Variants in BRD4 observed in about 807,000 individuals in gnomAD.
BRD4 encodes the protein bromodomain-containing protein 4.
BRD4 carries 16 observed loss-of-function variants against 142.1 expected under a neutral mutation model. That is an observed-to-expected ratio of 0.11 (90% CI 0.08 to 0.17). The LOEUF (loss-of-function observed/expected upper bound fraction) is 0.17, where lower values mean the gene tolerates loss of function less well. Ranked by LOEUF, BRD4 falls within the 10% of genes least tolerant of loss-of-function variation. BRD4 has a pLI of 1.00. For synonymous variants in BRD4, 833 were observed against 707.5 expected (o/e 1.18, Z -2.82); for missense variants, 1,424 against 1,810.9 (o/e 0.79, Z 3.88).
intron 1 of BRD4, among the ~76,000 whole-genome samples, chr19:15,296,937 A>C (rs2145679671): frequency 6.6e-6 from 1 of 152,136 alleles, no homozygotes; most frequent in South Asian, 2.1e-4. Context: ...CCCCCCACCA[A>C]CAGCCACCAC....
At position 15,312,860 on chromosome 19, in the gene BRD4, C is replaced by T. The variant is rs542736370; in HGVS notation, c.-35+19430G>A. 1.4e-4 allele frequency among the ~76,000 whole-genome samples: 22 copies of T among 151,982 alleles called. No homozygotes were observed. In the East Asian group the frequency reaches 3.7e-3, roughly 26 times the overall value. ...TGAGGCAAGAGAATTGCTTAGAAGC[C>T]GGGAGGCAGAAGTTGCAGTGAGCGG... On this transcript the variant is annotated intron_variant, in intron 1 of 19. Coordinates refer to ENST00000679869, the MANE Select transcript of BRD4 (RefSeq NM_001379291.1).
At position 15,255,449 on chromosome 19, in the gene BRD4, C is replaced by T. The variant is rs1463941396; in HGVS notation, c.1895G>A (p.Arg632His). The T allele has an allele frequency of 1.9e-6, 3 of 1,614,146 alleles. No individual in the cohort carries two copies. Among genetic ancestry groups the T allele is most frequent in the Non-Finnish European group, 2.5e-6 (3 of 1,180,038 alleles). Reference sequence around the variant, plus strand: ...CCGTGACTGGATGATGTGCACCACGCGGCCCAGCTTCTCGCCGGGGAGCTT... The same window carrying T: ...CCGTGACTGGATGATGTGCACCACGTGGCCCAGCTTCTCGCCGGGGAGCTT... ...INKLPGEKLG[R>H]VVHIIQSREP... The change falls in exon 10 of 20, where the codon CGC becomes CAC. Residue 632 changes from arginine (R) to histidine (H), a missense_variant. Transcript: ENST00000679869.
At chr19:15,263,953 C>G (rs146315617) in intron 6 of BRD4, among the ~76,000 whole-genome samples, 102 of 152,344 alleles carry the variant, frequency 6.7e-4, no homozygotes, top group African/African-American at 2.1e-3. Flanking sequence ...AAACACGTAA[C>G]AAGTCTTAAA....
intron 7 of BRD4, among the ~76,000 whole-genome samples, chr19:15,262,399 G>A (rs2047481121): frequency 6.6e-6 from 1 of 151,816 alleles, no homozygotes; most frequent in Admixed American, 6.6e-5. Flanking sequence ...TTTATCTACA[G>A]TCTTAAAGAA....
Position 15,238,619 on chromosome 19 carries a change from C to A in BRD4, c.4020+124G>T. 6.8e-7 allele frequency: 1 copy of A among 1,461,668 alleles called. No individual in the cohort carries two copies. Among genetic ancestry groups the A allele is most frequent in the East Asian group, 2.5e-5 (1 of 40,372 alleles). 90.5% of individuals were successfully genotyped at this position (1,461,668 alleles called of 1,614,324 possible). A position where few individuals can be genotyped will look rare whatever the true frequency, so the allele number is the denominator to read the frequency against. The stretch of plus-strand genomic sequence containing the variant: ...CCCTACAGCTGAGTCCAGAGGACCA[C>A]ATGCCGACCAGCAGGGACGGGGCTC... On this transcript the variant is annotated intron_variant, in intron 19 of 19. Coordinates refer to ENST00000679869, the MANE Select transcript of BRD4 (RefSeq NM_001379291.1). The surrounding 1 kb of genome is among the most constrained non-coding windows in gnomAD (Gnocchi z 7.2).
rs2047213496 is a variant in BRD4, at chr19:15,238,754, G to A, written c.4009C>T (p.Arg1337Cys). 6.5e-7 allele frequency: 1 copy of A among 1,550,226 alleles called. No homozygotes were observed. The highest frequency in any genetic ancestry group is 1.4e-5 in the African/African-American group (1 of 73,466). The change falls in exon 19 of 20, where the codon CGC becomes TGC. Residue 1337 changes from arginine (R) to cysteine (C), a missense_variant. By Grantham distance (180) the Arg-to-Cys change is radical. Around this residue, in one of 16 missense-constraint regions of BRD4, gnomAD observed 14 missense variants for 49.5 expected, o/e 0.28. Transcript: ENST00000679869. The surrounding 1 kb of genome is among the most constrained non-coding windows in gnomAD (Gnocchi z 7.2). Reference sequence around the variant, plus strand: ...GCCTCCAGACTCACGGCTTCCCGGCGTCTTCGCTCCTGCTCCCGCTTCCGG... The same window carrying A: ...GCCTCCAGACTCACGGCTTCCCGGCATCTTCGCTCCTGCTCCCGCTTCCGG... ...LARKREQERR[R>C]REAMAATIDM...
chr19:15,306,054 T>C (rs532783817), intron 1 of BRD4, among the ~76,000 whole-genome samples: 24 of 152,358 alleles, frequency 1.6e-4, no homozygotes, highest in Non-Finnish European at 3.1e-4. Flanking sequence ...ACGGCCTTGC[T>C]AGATTAGGCT....
At chr19:15,266,790 C>T (rs1167944262) in intron 4 of BRD4, among the ~76,000 whole-genome samples, 1 of 152,218 alleles carries the variant, frequency 6.6e-6, no homozygotes, top group East Asian at 1.9e-4. Flanking sequence ...TGTCACCCTT[C>T]TGCAGCATGG....
intron 11 of BRD4, among the ~76,000 whole-genome samples, chr19:15,251,639 C>A (rs2047348357): frequency 6.6e-6 from 1 of 152,168 alleles, no homozygotes; most frequent in Admixed American, 6.5e-5. Context: ...TGCCCCCCGC[C>A]CTGAGAGTGC....
chr19:15,245,595 C>A (rs1213761684), intron 11 of BRD4, among the ~76,000 whole-genome samples: 2 of 152,156 alleles, frequency 1.3e-5, no homozygotes. Flanking sequence ...CGAGAGCCAG[C>A]GTGCCCACCT....
intron 2 of BRD4, among the ~76,000 whole-genome samples, chr19:15,271,014 T>C (rs2047581777): frequency 6.6e-6 from 1 of 152,132 alleles, no homozygotes; most frequent in Non-Finnish European, 1.5e-5. Flanking sequence ...ACCAAGAACG[T>C]CCTGGCCACT....
In BRD4 at chr19:15,254,253, A is replaced by G. The variant is rs1568383065; in HGVS notation, c.2057T>C (p.Val686Ala). 2.5e-6 allele frequency: 4 copies of G among 1,613,956 alleles called. No individual in the cohort carries two copies. The highest frequency in any genetic ancestry group is 2.7e-5 in the African/African-American group (2 of 74,932). The change falls in exon 11 of 20, where the codon GTT (valine) becomes GCT (alanine). Residue 686 changes from valine (V) to alanine (A), a missense_variant. Val to Ala is a moderately conservative substitution (Grantham distance 64). Transcript: ENST00000679869. ...RKKRKPQAEK[V>A]DVIAGSSKMK... ...CTTGGAGGAGCCGGCAATCACATCA[A>G]CTTTCTCAGCTGCAATCCAAGCAAT...
rs749784899 is a variant in BRD4, at chr19:15,243,395, G to C, written c.2674C>G (p.Pro892Ala). 9.7e-6 allele frequency: 15 copies of C among 1,545,952 alleles called. No individual in the cohort carries two copies. Among genetic ancestry groups the C allele is most frequent in the Non-Finnish European group, 8.7e-7 (1 of 1,150,972 alleles). The change falls in exon 14 of 20, where the codon CCA (proline) becomes GCA (alanine). Residue 892 changes from proline (P) to alanine (A), a missense_variant. Pro to Ala is a conservative substitution (Grantham distance 27). Transcript: ENST00000679869. ...PKPARPPAVS[P>A]ALTQTPLLPQ... Reference sequence around the variant, plus strand: ...AGCAGGGGTGTTTGGGTCAAGGCTGGTGACACGGCTGGGGGCCGGGCGGGC... The same window carrying C: ...AGCAGGGGTGTTTGGGTCAAGGCTGCTGACACGGCTGGGGGCCGGGCGGGC...
At chr19:15,331,010 T>A (rs2048152162) in intron 1 of BRD4, among the ~76,000 whole-genome samples, 1 of 152,054 alleles carries the variant, frequency 6.6e-6, no homozygotes, top group Admixed American at 6.6e-5. Context: ...TAGAGCCCTG[T>A]CGAAGGTAAG....
In BRD4 at chr19:15,249,885, C is replaced by A. The variant is rs538115692; in HGVS notation, c.2158+4267G>T. Among the ~76,000 whole-genome samples the A allele has an allele frequency of 7.2e-5, 11 of 152,228 alleles. No individual in the cohort carries two copies. In the East Asian group the frequency reaches 2.1e-3, roughly 29 times the overall value. On this transcript the variant is annotated intron_variant, in intron 11 of 19. Transcript: ENST00000679869. ...CTCCAGATCCCCCAAACAAAAAGCT[C>A]AAACTCTAAAAAGCAGAACCTATTA...
intron 11 of BRD4, chr19:15,253,733 T>A (rs771924364): frequency 6.3e-7 from 1 of 1,598,264 alleles, no homozygotes; most frequent in African/African-American, 1.3e-5. Context: ...TGCACGTGAC[T>A]GTGATACGGG....
chr19:15,289,505 C>G (rs951855706), intron 1 of BRD4, among the ~76,000 whole-genome samples: 6 of 152,070 alleles, frequency 3.9e-5, no homozygotes. Flanking sequence ...GAGCCGAGAT[C>G]GCGCCACTGC....
chr19:15,280,607 G>C (rs1439924195), intron 1 of BRD4, among the ~76,000 whole-genome samples: 1 of 152,182 alleles, frequency 6.6e-6, no homozygotes, highest in Non-Finnish European at 1.5e-5. Context: ...ACACCAAGTT[G>C]TTATTTATGC....
intron 5 of BRD4, 119 bp from the exon 6 acceptor site, chr19:15,264,885 C>G: frequency 6.9e-7 from 1 of 1,457,734 alleles, no homozygotes; most frequent in East Asian, 2.3e-5. Flanking sequence ...CAGAATGGAC[C>G]CAAAGATAAT....
Sources: gnomAD v4.1 joint callset for allele counts (sites outside exome capture counted in the v4.1 genomes callset) on GRCh38, gnomAD v4.1.1 for gene constraint, gnomAD v4.1.1 regional missense constraint, Gnocchi (gnomAD v3.1) non-coding constraint, MANE v1.5 for transcripts, NCBI Gene and HGNC (gene_info 2026-07-23, HGNC 2026-07-21) for gene names.